The following ZNF385D variants were observed in gnomAD, a reference collection of about 807,000 sequenced individuals.
ZNF385D encodes zinc finger protein 659.
Under a neutral mutation model 35.8 loss-of-function variants are expected in ZNF385D, and 15 were observed. That is an observed-to-expected ratio of 0.42 (90% CI 0.28 to 0.64). ZNF385D has a LOEUF of 0.64. ZNF385D is among the 30% of genes least tolerant of loss of function. The probability of loss-of-function intolerance (pLI) is 0.23; values close to 1 mark genes in which losing one functional copy is unlikely to be tolerated. For missense variants in ZNF385D, 474 were observed against 494.6 expected (o/e 0.96, Z 0.39); for synonymous variants, 212 against 186.8 (o/e 1.13, Z -1.10).
At chr3:22,081,737 G>C (rs947693376) in intron 3 of ZNF385D, among the ~76,000 whole-genome samples, 1 of 152,106 alleles carries the variant, frequency 6.6e-6, no homozygotes, top group Non-Finnish European at 1.5e-5. Flanking sequence ...GAGTAGTTAT[G>C]ACAAAGACTC....
At position 21,465,860 on chromosome 3, in the gene ZNF385D, C is replaced by T. The variant is rs1575196529; in HGVS notation, c.440-28657G>A. Among the ~76,000 whole-genome samples the T allele has an allele frequency of 6.6e-6, 1 of 152,148 alleles. No individual in the cohort carries two copies. Among genetic ancestry groups the T allele is most frequent in the African/African-American group, 2.4e-5 (1 of 41,436 alleles). ...TGCAGGCTGACCCACTCTCAGGCTA[C>T]ACAACACTCATTCTCCATCACACCT... On this transcript the variant is annotated intron_variant, in intron 4 of 7. Coordinates refer to ENST00000281523, the MANE Select transcript of ZNF385D (RefSeq NM_024697.3). The surrounding 1 kb of genome is among the most constrained non-coding windows in gnomAD (Gnocchi z 4.2).
chr3:21,663,888 CG>C (rs2066309931), intron 2 of ZNF385D, among the ~76,000 whole-genome samples: 2 of 38,806 alleles, frequency 5.2e-5, no homozygotes, highest in African/African-American at 2.4e-4. Context: ...AATTGTGGGC[CG>C]AATATATATA....
intron 3 of ZNF385D, among the ~76,000 whole-genome samples, chr3:21,784,477 T>A (rs2071609555): frequency 6.6e-6 from 1 of 152,086 alleles, no homozygotes; most frequent in Non-Finnish European, 1.5e-5. Flanking sequence ...TCAAATAGTC[T>A]ACTTTTAAGT....
intron 3 of ZNF385D, among the ~76,000 whole-genome samples, chr3:21,846,343 C>T (rs1696005049): frequency 6.6e-6 from 1 of 152,036 alleles, no homozygotes; most frequent in Non-Finnish European, 1.5e-5. Context: ...ACCTTAATTA[C>T]TCAAAAGTTC....
chr3:21,915,494 T>C (rs7635399), intron 3 of ZNF385D, among the ~76,000 whole-genome samples: 63,583 of 151,876 alleles, frequency 0.42, 14,062 homozygotes, highest in Non-Finnish European at 0.51. Flanking sequence ...TTTTAACTTA[T>C]TTTTTCTGTT....
chr3:22,162,978 A>C (rs546440425), intron 3 of ZNF385D, among the ~76,000 whole-genome samples: 45 of 152,290 alleles, frequency 3.0e-4, no homozygotes, highest in Admixed American at 8.5e-4. Flanking sequence ...AGGACATAGT[A>C]GAGAGTGAGG....
At chr3:21,785,055 T>C (rs2071632373) in intron 3 of ZNF385D, among the ~76,000 whole-genome samples, 1 of 152,152 alleles carries the variant, frequency 6.6e-6, no homozygotes, top group Non-Finnish European at 1.5e-5. Context: ...ACACAATCCA[T>C]GCATGCACTT....
intron 2 of ZNF385D, among the ~76,000 whole-genome samples, chr3:22,215,965 G>A (rs189439057): frequency 4.6e-5 from 7 of 151,924 alleles, no homozygotes; most frequent in Middle Eastern, 3.4e-3. Flanking sequence ...GGTGAATTTC[G>A]TCCAACATCT....
At chr3:21,767,818 T>C (rs1488419339) in intron 3 of ZNF385D, among the ~76,000 whole-genome samples, 2 of 152,112 alleles carry the variant, frequency 1.3e-5, no homozygotes, top group African/African-American at 4.8e-5. Context: ...TTTGGAACGC[T>C]TTAGTAATTA....
chr3:22,309,784 CTATAG>C (rs1253642066), intron 2 of ZNF385D, among the ~76,000 whole-genome samples: 2 of 151,934 alleles, frequency 1.3e-5, no homozygotes, highest in Non-Finnish European at 2.9e-5. Flanking sequence ...GGCCAATCTA[CTATAG>C]TATAGCCTTT....
intron 2 of ZNF385D, among the ~76,000 whole-genome samples, chr3:22,250,610 G>T: frequency 6.6e-6 from 1 of 152,194 alleles, no homozygotes; most frequent in South Asian, 2.1e-4. Context: ...CTGGGACCCT[G>T]ATTCAAAAGT....
intron 1 of ZNF385D, among the ~76,000 whole-genome samples, chr3:21,717,963 T>C (rs1332068379): frequency 6.6e-6 from 1 of 152,206 alleles, no homozygotes; most frequent in Non-Finnish European, 1.5e-5. Context: ...CAGGAAGGCT[T>C]CTTAAAACAC....
chr3:22,182,033 A>C (rs542402466), intron 2 of ZNF385D, among the ~76,000 whole-genome samples: 17 of 152,166 alleles, frequency 1.1e-4, no homozygotes, highest in Non-Finnish European at 2.4e-4. Context: ...GTTGAACGAT[A>C]GATGAAAACA....
intron 2 of ZNF385D, among the ~76,000 whole-genome samples, chr3:22,183,807 G>T (rs1011053094): frequency 6.6e-6 from 1 of 150,586 alleles, no homozygotes; most frequent in African/African-American, 2.4e-5. Context: ...AGAACTATTA[G>T]TTATTTTTTC....
chr3:21,995,351 G>A (rs926646959), intron 3 of ZNF385D, among the ~76,000 whole-genome samples: 2 of 152,202 alleles, frequency 1.3e-5, no homozygotes, highest in African/African-American at 2.4e-5. Context: ...AGCACCTGGT[G>A]GGGCAGGGCT....
chr3:21,474,116 A>C (rs1180917197), intron 4 of ZNF385D, among the ~76,000 whole-genome samples: 1 of 18,330 alleles, frequency 5.5e-5, no homozygotes, highest in Admixed American at 5.8e-4. Flanking sequence ...ACGTGGAACA[A>C]ATTTTTTTTT....
chr3:21,537,473 C>G (rs888335787), intron 3 of ZNF385D, among the ~76,000 whole-genome samples: 3 of 151,922 alleles, frequency 2.0e-5, no homozygotes, highest in Admixed American at 2.0e-4. Flanking sequence ...CACGATGTGA[C>G]CCTGTGCTAG....
At chr3:21,652,206 C>T (rs929599895) in intron 2 of ZNF385D, among the ~76,000 whole-genome samples, 3 of 152,170 alleles carry the variant, frequency 2.0e-5, no homozygotes, top group East Asian at 1.9e-4. Flanking sequence ...TTTTCAGTCA[C>T]TTCTACATAG....
At chr3:22,317,597 A>G (rs1201197565) in intron 2 of ZNF385D, among the ~76,000 whole-genome samples, 1 of 152,090 alleles carries the variant, frequency 6.6e-6, no homozygotes, top group African/African-American at 2.4e-5. Context: ...CTAATAATTT[A>G]CTGACCCTCA....
Sources: allele counts gnomAD v4.1 joint callset (sites outside exome capture counted in the v4.1 genomes callset), GRCh38; gene constraint gnomAD v4.1.1; non-coding constraint Gnocchi (gnomAD v3.1); transcripts MANE v1.5; gene names NCBI Gene and HGNC (gene_info 2026-07-23, HGNC 2026-07-21).